Variants in RRM1 observed in about 807,000 individuals in gnomAD.
RRM1 encodes ribonucleotide reductase catalytic subunit M1, also known as ribonucleoside-diphosphate reductase large subunit.
In RRM1, 19 loss-of-function variants were observed where a neutral mutation model predicts 101.5. The observed-to-expected ratio is 0.19, with a 90% confidence interval of 0.13 to 0.27. The LOEUF (loss-of-function observed/expected upper bound fraction) is 0.27. Among genes scored for constraint, RRM1 ranks in the 10% least tolerant of loss-of-function variants. RRM1 has a pLI of 1.00. For synonymous variants in RRM1, 298 were observed against 323.4 expected (o/e 0.92, Z 0.84); for missense variants, 500 against 962.9 (o/e 0.52, Z 6.36).
chr11:4,112,155 C>A, intron 7 of RRM1, 93 bp downstream of exon 7: 3 of 851,748 alleles, frequency 3.5e-6, no homozygotes, highest in Non-Finnish European at 5.5e-6. Context: ...CTTTTAGTAG[C>A]TGCCTGCTCT....
chr11:4,138,146 A>G (rs2094617300), intron 18 of RRM1, 49 bp from the exon 19 acceptor site: 1 of 1,069,038 alleles, frequency 9.4e-7, no homozygotes, highest in Non-Finnish European at 1.4e-6. Flanking sequence ...TGGAATGTCT[A>G]GTATTCTCAC....
chr11:4,128,692 A>T (rs2094593993), intron 14 of RRM1, among the ~76,000 whole-genome samples: 1 of 152,212 alleles, frequency 6.6e-6, no homozygotes, highest in African/African-American at 2.4e-5. Context: ...GATATTAGAA[A>T]ATCTAATGTG....
At chr11:4,130,066 T>TTATATATATATA (rs746526097) in intron 15 of RRM1, among the ~76,000 whole-genome samples, 19 of 32,986 alleles carry the variant, frequency 5.8e-4, no homozygotes, top group African/African-American at 1.8e-3. Context: ...TGTACTGTAT[T>TTATATATATATA]TATATATATA....
intron 15 of RRM1, among the ~76,000 whole-genome samples, chr11:4,130,082 ATATATTTTTTTTTT>A (rs2094596917): frequency 1.0e-5 from 1 of 96,906 alleles, no homozygotes; most frequent in East Asian, 3.2e-4. Flanking sequence ...ATATATATAT[ATATATTTTTTTTTT>A]TTTTTTTTCC....
intron 15 of RRM1, among the ~76,000 whole-genome samples, chr11:4,131,867 A>T (rs2094601103): frequency 1.3e-5 from 2 of 152,222 alleles, no homozygotes; most frequent in Admixed American, 1.3e-4. Context: ...ATGATTTTAT[A>T]GGCACTTGGA....
chr11:4,136,763 TTTTATTTA>T (rs753518990), intron 18 of RRM1, among the ~76,000 whole-genome samples: 5 of 150,454 alleles, frequency 3.3e-5, no homozygotes, highest in Non-Finnish European at 5.9e-5. Flanking sequence ...TGTTTTTTCT[TTTTATTTA>T]TTTATTTATT....
At chr11:4,111,786 T>C (rs2094565950) in intron 6 of RRM1, 114 bp from the exon 7 acceptor site, 1 of 1,212,220 alleles carries the variant, frequency 8.2e-7, no homozygotes, top group African/African-American at 1.5e-5. Flanking sequence ...GTCCTGTTTA[T>C]TAGTATAAAG....
intron 4 of RRM1, among the ~76,000 whole-genome samples, chr11:4,107,974 G>A (rs1299253120): frequency 6.6e-6 from 1 of 152,056 alleles, no homozygotes; most frequent in East Asian, 1.9e-4. Context: ...TCTTTTCACT[G>A]CAGTGAATAT....
At chr11:4,102,419 A>G (rs1305796894) in intron 2 of RRM1, among the ~76,000 whole-genome samples, 1 of 152,146 alleles carries the variant, frequency 6.6e-6, no homozygotes, top group East Asian at 1.9e-4. Flanking sequence ...GCACTTTGGG[A>G]GGCTGAGGTG....
chr11:4,102,281 A>G (rs1033017728), intron 2 of RRM1, among the ~76,000 whole-genome samples, 200 bp downstream of exon 2: 2 of 152,210 alleles, frequency 1.3e-5, no homozygotes, highest in Non-Finnish European at 2.9e-5. Context: ...TTTTCAGAGA[A>G]CTATGAATGT....
At position 4,138,423 on chromosome 11, in the gene RRM1, A is replaced by G; in HGVS notation, c.*40A>G. The G allele has an allele frequency of 1.3e-6, 2 of 1,514,700 alleles. No individual in the cohort carries two copies. Among genetic ancestry groups the G allele is most frequent in the Admixed American group, 2.0e-5 (1 of 49,296 alleles). The allele number at this position is 1,514,700 out of a possible 1,614,324, so 93.8% of individuals were successfully genotyped here. On this transcript the variant is annotated 3_prime_UTR_variant, in exon 19 of 19. Transcript: ENST00000300738. ...GAGACCAGCATGTCTTCAGTAGCCA[A>G]ACTACTTCTTGAGCATAGATAGGTA...
chr11:4,118,468 T>G lies in RRM1; in HGVS notation c.792+7T>G. ...TGGCAGCTACATTGCTGGGGTAGGT[T>G]TCTGCCATTTGACTTTTAAAGGGGG... On this transcript the variant is annotated splice_region_variant and intron_variant, in intron 8 of 18. Coordinates refer to ENST00000300738, the MANE Select transcript of RRM1 (RefSeq NM_001033.5). 6.2e-7 allele frequency: 1 copy of G among 1,613,846 alleles called. No individual in the cohort carries two copies. Among genetic ancestry groups the G allele is most frequent in the Non-Finnish European group, 8.5e-7 (1 of 1,179,860 alleles).
At chr11:4,133,040 C>G (rs1406875414) in intron 16 of RRM1, among the ~76,000 whole-genome samples, 1 of 151,980 alleles carries the variant, frequency 6.6e-6, no homozygotes. Context: ...CCATATGTTT[C>G]TTTTTTAATG....
intron 1 of RRM1, 142 bp from the exon 2 acceptor site, chr11:4,101,851 T>C (rs1232791126): frequency 1.7e-6 from 1 of 603,464 alleles, no homozygotes; most frequent in African/African-American, 1.9e-5. Flanking sequence ...CATGAATCTT[T>C]TGAGGGGGCC....
intron 14 of RRM1, 53 bp from the exon 15 acceptor site, chr11:4,129,021 T>TG: frequency 1.9e-6 from 2 of 1,031,192 alleles, no homozygotes; most frequent in Non-Finnish European, 2.8e-6. Context: ...TTTTTTTTTT[T>TG]TGGTCATAGT....
intron 1 of RRM1, among the ~76,000 whole-genome samples, chr11:4,101,739 C>G (rs2094551712): frequency 6.6e-6 from 1 of 152,092 alleles, no homozygotes; most frequent in Non-Finnish European, 1.5e-5. Context: ...GTAATTTTGG[C>G]TGCCATGTGG....
chr11:4,101,311 GTGGATTTT>G (rs950664783), intron 1 of RRM1, among the ~76,000 whole-genome samples: 1 of 151,258 alleles, frequency 6.6e-6, no homozygotes, highest in Non-Finnish European at 1.5e-5. Flanking sequence ...ATAGGATTCT[GTGGATTTT>G]TTTTTTTTTT....
chr11:4,106,933 G>A (rs1463683322), intron 3 of RRM1, among the ~76,000 whole-genome samples: 4 of 149,958 alleles, frequency 2.7e-5, no homozygotes, highest in East Asian at 3.9e-4. Flanking sequence ...TGCTCTTATC[G>A]CCTAGGCTGG....
Position 4,129,159 on chromosome 11 carries a change from A to C in RRM1, c.1769+9A>C. On this transcript the variant is annotated intron_variant, in intron 15 of 18. Coordinates refer to ENST00000300738, the MANE Select transcript of RRM1 (RefSeq NM_001033.5). ...AAGGAGAAGATTGCAAAGTAAGTGA[A>C]AAGATGTAAAGTAGCTTTGAAGGCA... The C allele has an allele frequency of 6.5e-7, 1 of 1,549,642 alleles. No individual in the cohort carries two copies. Among genetic ancestry groups the C allele is most frequent in the African/African-American group, 1.4e-5 (1 of 73,490 alleles).
Sources: gnomAD v4.1 joint callset for allele counts (sites outside exome capture counted in the v4.1 genomes callset) on GRCh38, gnomAD v4.1.1 for gene constraint, MANE v1.5 for transcripts, NCBI Gene and HGNC (gene_info 2026-07-23, HGNC 2026-07-21) for gene names.